The following ADCY6 variants were observed in gnomAD, a reference collection of about 807,000 sequenced individuals.
ADCY6 encodes the protein adenylate cyclase 6.
In ADCY6, 59 loss-of-function variants were observed where a neutral mutation model predicts 111.6. The observed-to-expected ratio is 0.53, with a 90% confidence interval of 0.43 to 0.66. The LOEUF is 0.66. Among genes scored for constraint, ADCY6 ranks in the 30% least tolerant of loss-of-function variants. The probability of loss-of-function intolerance (pLI) is 0.00; values close to 1 mark genes in which losing one functional copy is unlikely to be tolerated. For synonymous variants in ADCY6, 576 were observed against 642.9 expected, an observed-to-expected ratio of 0.90 and a Z score of 1.57; for missense variants, 1,242 against 1,595.6, an observed-to-expected ratio of 0.78 and a Z score of 3.78.
Position 48,782,916 on chromosome 12 carries a change from G to C in ADCY6, c.519C>G (p.Pro173=), listed in dbSNP as rs561521194. The C allele has an allele frequency of 4.2e-5, 68 of 1,613,382 alleles. No individual in the cohort carries two copies. The Admixed American group carries it at 1.1e-3, about 27-fold the overall frequency. ...TAVLLAFHAA[P]ARPQPAYVAL... The stretch of plus-strand genomic sequence containing the variant: ...CCACATAGGCAGGCTGAGGGCGGGC[G>C]GGTGCGGCGTGGAAAGCCAGCAGCA... The change falls in exon 2 of 22, where the codon CCC becomes CCG. Residue 173 remains proline (P), a synonymous_variant. Transcript: ENST00000357869. This position sits in a 1 kb window ranked among gnomAD's most constrained non-coding sequence, Gnocchi z 4.3.
intron 16 of ADCY6, among the ~76,000 whole-genome samples, chr12:48,773,002 G>A (rs866753132): frequency 3.3e-5 from 5 of 152,160 alleles, no homozygotes; most frequent in African/African-American, 1.2e-4. Context: ...GAGCAGCAGA[G>A]CAGGGATTCA....
intron 12 of ADCY6, 66 bp downstream of exon 12, chr12:48,774,891 G>C: frequency 2.0e-6 from 3 of 1,523,854 alleles, no homozygotes; most frequent in Non-Finnish European, 2.7e-6. Flanking sequence ...GGCTTGTGTG[G>C]GTATTTAGGA....
intron 2 of ADCY6, 31 bp from the exon 3 acceptor site, chr12:48,778,288 C>T: frequency 6.2e-7 from 1 of 1,613,634 alleles, no homozygotes; most frequent in Non-Finnish European, 8.5e-7. Context: ...AGACAGTGAC[C>T]ATCTCCTCTG....
chr12:48,768,510 T>G lies in ADCY6; in HGVS notation c.*81A>C. 1.2e-6 allele frequency: 2 copies of G among 1,604,580 alleles called. No individual in the cohort carries two copies. Among genetic ancestry groups the G allele is most frequent in the Non-Finnish European group, 1.7e-6 (2 of 1,172,210 alleles). On this transcript the variant is annotated 3_prime_UTR_variant, in exon 22 of 22. Coordinates refer to ENST00000357869, the MANE Select transcript of ADCY6 (RefSeq NM_015270.5). ...CAGGGTCTGGAGGCTCAGTGCCCCC[T>G]GCCACAGCTCCACCCAGTGAGCACA...
chr12:48,772,267 C>A, intron 18 of ADCY6, 28 bp downstream of exon 18: 1 of 1,593,308 alleles, frequency 6.3e-7, no homozygotes, highest in South Asian at 1.1e-5. Context: ...TAGGTTCCTC[C>A]TCTTCCCCCA....
intron 1 of ADCY6, among the ~76,000 whole-genome samples, chr12:48,786,307 C>T (rs1592167138): frequency 6.6e-6 from 1 of 152,142 alleles, no homozygotes; most frequent in East Asian, 1.9e-4. Flanking sequence ...TCACCCTCAG[C>T]CAAGATCTGT....
chr12:48,782,424 T>C lies in ADCY6; in HGVS notation c.864+147A>G. ...CCCTCAACCCTAGCCTCCCACCTCC[T>C]GCTCCTCCTCCCAGATACAGCCAGA... On this transcript the variant is annotated intron_variant, in intron 2 of 21. Transcript: ENST00000357869. This position sits in a 1 kb window ranked among gnomAD's most constrained non-coding sequence, Gnocchi z 4.3. The C allele has an allele frequency of 7.1e-7, 1 of 1,414,570 alleles. No homozygotes were observed. Among genetic ancestry groups the C allele is most frequent in the Non-Finnish European group, 9.3e-7 (1 of 1,073,420 alleles). The allele number at this position is 1,414,570 out of a possible 1,614,324, so 87.6% of individuals were successfully genotyped here.
rs200640184 is a variant in ADCY6 at position 48,771,968 on chromosome 12, T to C, written c.2793A>G (p.Thr931=). 2.6e-4 allele frequency: 411 copies of C among 1,607,680 alleles called. 2 individuals are homozygous for C. Among genetic ancestry groups the C allele is most frequent in the East Asian group, 1.6e-3 (73 of 44,860 alleles). Residue 931 remains threonine, a synonymous_variant, in exon 19 of 22, where the codon ACA becomes ACG. Transcript: ENST00000357869. The surrounding 1 kb of genome is among the most constrained non-coding windows in gnomAD (Gnocchi z 4.3). Reference sequence around the variant, plus strand: ...GCTCCTCCATCTCCTCCTTCTCCCCTGTTGCCTGTGGACACCACACCCATC... The same window carrying C: ...GCTCCTCCATCTCCTCCTTCTCCCCCGTTGCCTGTGGACACCACACCCATC... The part of the protein sequence containing the change: ...RLDFLWKLQA[T]GEKEEMEELQ...
rs183886636 is a variant in ADCY6 at position 48,774,475 on chromosome 12, C to T, written c.2210G>A (p.Arg737His). ...ALQRLSRSIV[R>H]SRAHSTAVGI... is the part of the protein sequence containing the mutation. The stretch of plus-strand genomic sequence containing the variant: ...AACTGCGGTGCTATGTGCCCGTGAG[C>T]GGACAATGCTGCGGGACAGACGTTG... The change falls in exon 14 of 22, where the codon CGC becomes CAC. Residue 737 changes from arginine (R) to histidine (H), a missense_variant. Around this residue, in one of 4 missense-constraint regions of ADCY6, gnomAD observed 375 missense variants for 432.5 expected, o/e 0.87. Coordinates refer to ENST00000357869, the MANE Select transcript of ADCY6 (RefSeq NM_015270.5). 3.1e-6 allele frequency: 5 copies of T among 1,613,958 alleles called. No individual in the cohort carries two copies. Among genetic ancestry groups the T allele is most frequent in the East Asian group, 2.2e-5 (1 of 44,854 alleles).
At chr12:48,779,598 C>T (rs1475448360) in intron 2 of ADCY6, among the ~76,000 whole-genome samples, 1 of 152,092 alleles carries the variant, frequency 6.6e-6, no homozygotes, top group Non-Finnish European at 1.5e-5. Context: ...TAGGGCCCCA[C>T]CCTAGGAATG....
intron 3 of ADCY6, 26 bp downstream of exon 3, chr12:48,778,082 G>T: frequency 6.3e-7 from 1 of 1,591,146 alleles, no homozygotes; most frequent in South Asian, 1.1e-5. Flanking sequence ...GTGGGGGCAG[G>T]CCCTGGTCAC....
rs763441339 is a variant in ADCY6, at chr12:48,770,751, A to C, written c.3256+15T>G. The C allele has an allele frequency of 6.2e-6, 10 of 1,611,930 alleles. No individual in the cohort carries two copies. The East Asian group carries it at 2.2e-4, about 36-fold the overall frequency. On this transcript the variant is annotated intron_variant, in intron 20 of 21. Coordinates refer to ENST00000357869, the MANE Select transcript of ADCY6 (RefSeq NM_015270.5). ...AAGTCCTGGGAAAACCCGCCAAGCA[A>C]CAAAGCCCTCTTACCAATCTTCATC... is the stretch of plus-strand genomic sequence containing the variant.
intron 2 of ADCY6, among the ~76,000 whole-genome samples, chr12:48,779,752 AGAAG>A (rs1941796005): frequency 6.6e-6 from 1 of 152,136 alleles, no homozygotes; most frequent in Admixed American, 6.5e-5. Context: ...TGGTTTAAGG[AGAAG>A]GGAGAGAAAC....
chr12:48,785,125 A>G (rs1941956492), intron 1 of ADCY6, among the ~76,000 whole-genome samples: 1 of 151,262 alleles, frequency 6.6e-6, no homozygotes, highest in Non-Finnish European at 1.5e-5. Context: ...TAAAATAGCA[A>G]CCCCCTTTCC....
rs1565646975 is a variant in ADCY6 at position 48,775,954 on chromosome 12, G to A, written c.1806+9C>T. ...TGAGGCCCTAGGTCTGGTGCTGAGG[G>A]CCCCTCACCATCTGGCGGAAGGCCT... is the stretch of plus-strand genomic sequence containing the variant. On this transcript the variant is annotated intron_variant, in intron 9 of 21. Coordinates refer to ENST00000357869, the MANE Select transcript of ADCY6 (RefSeq NM_015270.5). 10 of 1,594,982 alleles carry A rather than the reference G, an allele frequency of 6.3e-6. No homozygotes were observed. Among genetic ancestry groups the A allele is most frequent in the Non-Finnish European group, 8.5e-6 (10 of 1,171,138 alleles).
chr12:48,772,595 G>A (rs766220268), intron 16 of ADCY6, 52 bp from the exon 17 acceptor site: 1 of 1,605,044 alleles, frequency 6.2e-7, no homozygotes, highest in Non-Finnish European at 8.5e-7. Flanking sequence ...GGATTGCTGG[G>A]TGGGCACATG....
rs373807758 is a variant in ADCY6, at chr12:48,783,113, G to C, written c.322C>G (p.Pro108Ala). Residue 108 changes from proline (P) to alanine (A), a missense_variant, in exon 2 of 22, where the codon CCC becomes GCC. Pro to Ala is a conservative substitution (Grantham distance 27). Around this residue, in one of 4 missense-constraint regions of ADCY6, gnomAD observed 362 missense variants for 377.2 expected, o/e 0.96. Coordinates refer to ENST00000357869, the MANE Select transcript of ADCY6 (RefSeq NM_015270.5). ...TTAGGTAEVA[P>A]DAVPRSGRSC... is the part of the protein sequence containing the mutation. ...CGCCCACTCCTGGGCACCGCGTCGGGCGCCACCTCAGCCGTCCCGCCCGCT... is the reference window on the plus strand; with the variant it reads ...CGCCCACTCCTGGGCACCGCGTCGGCCGCCACCTCAGCCGTCCCGCCCGCT... 1 of 1,610,134 alleles carries C rather than the reference G, an allele frequency of 6.2e-7. No homozygotes were observed. Among genetic ancestry groups the C allele is most frequent in the Non-Finnish European group, 8.5e-7 (1 of 1,179,190 alleles).
chr12:48,774,918 TGAAGAGAGAAGC>T, intron 12 of ADCY6, 27 bp downstream of exon 12: 3 of 1,535,972 alleles, frequency 2.0e-6, no homozygotes, highest in Non-Finnish European at 1.8e-6. Flanking sequence ...TGGGAAGTGG[TGAAGAGAGAAGC>T]TAAGAGAGGA....
At chr12:48,769,818 G>A (rs1941482667) in intron 20 of ADCY6, among the ~76,000 whole-genome samples, 1 of 148,778 alleles carries the variant, frequency 6.7e-6, no homozygotes, top group African/African-American at 2.5e-5. Flanking sequence ...CTGGAGTGCA[G>A]TGGCACCATC....
Sources: allele counts gnomAD v4.1 joint callset (sites outside exome capture counted in the v4.1 genomes callset), GRCh38; gene constraint gnomAD v4.1.1; regional missense constraint gnomAD v4.1.1; non-coding constraint Gnocchi (gnomAD v3.1); transcripts MANE v1.5; gene names NCBI Gene and HGNC (gene_info 2026-07-23, HGNC 2026-07-21).